Variants in STXBP4 observed in about 807,000 individuals in gnomAD.
STXBP4 encodes syntaxin binding protein 4.
In STXBP4, 55 loss-of-function variants were observed where a neutral mutation model predicts 76.1. The ratio of observed to expected loss-of-function variants is 0.72; its 90% CI spans 0.58 to 0.91. STXBP4 has a LOEUF of 0.91. STXBP4 is among the 40% of genes least tolerant of loss of function. The pLI, the probability that STXBP4 is intolerant of heterozygous loss-of-function variation, is 0.00. For synonymous variants in STXBP4, 201 were observed against 220.2 expected (o/e 0.91, Z 0.77); for missense variants, 618 against 636.9 (o/e 0.97, Z 0.32).
At chr17:55,184,361 C>A in the STXBP4 span, among the ~76,000 whole-genome samples, 1 of 151,996 alleles carries the variant, frequency 6.6e-6, no homozygotes, top group East Asian at 1.9e-4. Flanking sequence ...CACAAGTGTA[C>A]CAAATATAAA....
intron 16 of STXBP4, among the ~76,000 whole-genome samples, chr17:55,119,878 T>G (rs1000173203): frequency 5.9e-5 from 9 of 152,098 alleles, no homozygotes; most frequent in Non-Finnish European, 1.2e-4. Flanking sequence ...AAAATGAGTC[T>G]TTGGATATTT....
chr17:55,114,539 G>T (rs1016210802), intron 16 of STXBP4, among the ~76,000 whole-genome samples: 8 of 152,168 alleles, frequency 5.3e-5, no homozygotes, highest in Admixed American at 5.2e-4. Flanking sequence ...GCTATGTGCA[G>T]ACTATGATGA....
rs992662125 is a variant in STXBP4, at chr17:55,171,062, A to T, written c.*11151A>T. ...TGCCATTGTCAAAGATCCTGGACCT[A>T]TTTTTTTCTGCCTTGAAAACTTTTG... is the stretch of plus-strand genomic sequence containing the variant. On this transcript the variant is annotated 3_prime_UTR_variant, in exon 18 of 18. Coordinates refer to ENST00000376352, the MANE Select transcript of STXBP4 (RefSeq NM_178509.6). 1 of 152,114 alleles carries T rather than the reference A, an allele frequency of 6.6e-6. No individual in the cohort carries two copies. Among genetic ancestry groups the T allele is most frequent in the African/African-American group, 2.4e-5 (1 of 41,410 alleles). 9.4% of individuals were successfully genotyped at this position (152,114 alleles called of 1,614,324 possible). A position where few individuals can be genotyped will look rare whatever the true frequency, so the allele number is the denominator to read the frequency against.
chr17:54,973,873 C>T (rs2077433217), intron 1 of STXBP4, among the ~76,000 whole-genome samples: 2 of 152,104 alleles, frequency 1.3e-5, no homozygotes, highest in African/African-American at 2.4e-5. Context: ...CAGCAATAAA[C>T]GTTAAACCTT....
At chr17:55,122,418 C>A (rs1682805155) in intron 16 of STXBP4, among the ~76,000 whole-genome samples, 1 of 152,042 alleles carries the variant, frequency 6.6e-6, no homozygotes, top group Non-Finnish European at 1.5e-5. Flanking sequence ...GATTGATGAG[C>A]AGAAGCTCAC....
chr17:55,058,881 AT>A (rs35839349), intron 12 of STXBP4, among the ~76,000 whole-genome samples: 2 of 148,716 alleles, frequency 1.3e-5, no homozygotes, highest in Middle Eastern at 6.9e-3. Context: ...TTATTTATTT[AT>A]TTTTTTAACT....
chr17:54,986,323 T>C (rs1282319696), intron 3 of STXBP4, 57 bp downstream of exon 3: 18 of 1,365,364 alleles, frequency 1.3e-5, no homozygotes, highest in Non-Finnish European at 1.6e-5. Context: ...AAACTATTAA[T>C]GAACATTTGA....
chr17:55,031,196 CA>C lies in STXBP4; in HGVS notation c.698del (p.Lys233ArgfsTer7), dbSNP rs762493952. 2.0e-5 allele frequency: 32 copies of C among 1,613,122 alleles called. No individual in the cohort carries two copies. In the East Asian group the frequency reaches 7.1e-4, roughly 36 times the overall value. The part of the protein sequence containing the change: ...MALNYLGIQP[T>X]KEQHQALRQQ... ...CTAAATTATCTTGGTATTCAGCCCA[CA>C]AAGGAACAACACCAAGCCCTGAGAC... On this transcript the variant is annotated frameshift_variant, in exon 9 of 18. Transcript: ENST00000376352. LOFTEE classifies it high-confidence loss of function.
At chr17:55,047,264 CA>C (rs1200863203) in intron 12 of STXBP4, 110 bp downstream of exon 12, 1 of 598,214 alleles carries the variant, frequency 1.7e-6, no homozygotes, top group East Asian at 3.0e-5. Flanking sequence ...TACAATATCC[CA>C]GAGCTTCCTG....
chr17:55,083,539 G>T (rs760750710), intron 16 of STXBP4, among the ~76,000 whole-genome samples: 21 of 152,054 alleles, frequency 1.4e-4, no homozygotes, highest in Non-Finnish European at 2.1e-4. Flanking sequence ...CAACAATTTA[G>T]TATTGTCTCT....
Position 55,167,040 on chromosome 17 carries a change from T to C in STXBP4, c.*7129T>C, listed in dbSNP as rs904597154. 11 of 152,330 alleles carry C rather than the reference T, an allele frequency of 7.2e-5. No homozygotes were observed. The South Asian group carries it at 8.3e-4, about 12-fold the overall frequency. 9.4% of individuals were successfully genotyped at this position (152,330 alleles called of 1,614,324 possible). On this transcript the variant is annotated 3_prime_UTR_variant, in exon 18 of 18. Coordinates refer to ENST00000376352, the MANE Select transcript of STXBP4 (RefSeq NM_178509.6). ...ATGGTCTGTTGTTTCTTATCTGTTG[T>C]TGGCTTTGGGGTATTTTATTCTAAA...
chr17:55,038,080 G>T (rs1407451856), intron 10 of STXBP4, among the ~76,000 whole-genome samples: 1 of 152,014 alleles, frequency 6.6e-6, no homozygotes, highest in African/African-American at 2.4e-5. Context: ...CAAACAACAG[G>T]CCTGGGTCAT....
chr17:55,043,376 GAAA>G, intron 11 of STXBP4, 51 bp downstream of exon 11: 1 of 1,140,594 alleles, frequency 8.8e-7, no homozygotes, highest in Non-Finnish European at 1.2e-6. Context: ...AAAAGAAAAA[GAAA>G]AAAATCCTAT....
chr17:55,099,749 C>G (rs1271840301), intron 16 of STXBP4, among the ~76,000 whole-genome samples: 1 of 152,140 alleles, frequency 6.6e-6, no homozygotes. Flanking sequence ...TTGCTAATGT[C>G]CTTTAGTACA....
intron 14 of STXBP4, 81 bp from the exon 15 acceptor site, chr17:55,078,605 T>A: frequency 1.1e-6 from 1 of 879,936 alleles, no homozygotes; most frequent in South Asian, 1.6e-5. Flanking sequence ...ACAGAGGAGG[T>A]TATAAATATT....
intron 8 of STXBP4, among the ~76,000 whole-genome samples, chr17:55,027,161 C>T (rs562614540): frequency 1.1e-4 from 17 of 152,264 alleles, no homozygotes; most frequent in African/African-American, 3.4e-4. Flanking sequence ...CAGTACTGCC[C>T]GTGGCCAGAG....
At chr17:55,067,128 T>TA (rs1425643012) in intron 12 of STXBP4, among the ~76,000 whole-genome samples, 1 of 152,190 alleles carries the variant, frequency 6.6e-6, no homozygotes, top group Admixed American at 6.6e-5. Flanking sequence ...CATTTTATGT[T>TA]AAGTAGAGTA....
chr17:55,120,497 T>A (rs896763048), intron 16 of STXBP4, among the ~76,000 whole-genome samples: 1 of 152,222 alleles, frequency 6.6e-6, no homozygotes, highest in Non-Finnish European at 1.5e-5. Context: ...TCTGAGGTCA[T>A]CAGATAGGAA....
chr17:55,007,425 G>A (rs1421310471), intron 7 of STXBP4, 81 bp from the exon 8 acceptor site: 1 of 935,444 alleles, frequency 1.1e-6, no homozygotes, highest in African/African-American at 1.7e-5. Flanking sequence ...TTGAACAGCA[G>A]GAACTCAGAA....
Sources: allele counts gnomAD v4.1 joint callset (sites outside exome capture counted in the v4.1 genomes callset), GRCh38; gene constraint gnomAD v4.1.1; transcripts MANE v1.5; gene names NCBI Gene and HGNC (gene_info 2026-07-23, HGNC 2026-07-21).